Variants in SORCS1 observed in about 807,000 individuals in gnomAD.
The protein encoded by SORCS1 is sortilin related VPS10 domain containing receptor 1.
In SORCS1, 60 loss-of-function variants were observed where a neutral mutation model predicts 146.1. The ratio of observed to expected loss-of-function variants is 0.41; its 90% confidence interval spans 0.33 to 0.51. The LOEUF (loss-of-function observed/expected upper bound fraction) is 0.51. Among genes scored for constraint, SORCS1 ranks in the 20% least tolerant of loss-of-function variants. SORCS1 has a pLI of 0.21. For synonymous variants in SORCS1, 637 were observed against 584.0 expected (o/e 1.09, Z -1.31); for missense variants, 1,352 against 1,487.6 (o/e 0.91, Z 1.50).
In SORCS1 at chr10:107,094,575, G is replaced by T. The variant is rs182217184; in HGVS notation, c.558+69394C>A. ...TTTCAAAAAATGGTTTTTAATCAAGGCTACAGATCATACAACAGATTTAGA... is the reference window on the plus strand; with the variant it reads ...TTTCAAAAAATGGTTTTTAATCAAGTCTACAGATCATACAACAGATTTAGA... On this transcript the variant is annotated intron_variant, in intron 1 of 25. Transcript: ENST00000263054. Among the ~76,000 whole-genome samples, 141 of 152,244 alleles carry T rather than the reference G, an allele frequency of 9.3e-4. 1 individual carries two copies. Among genetic ancestry groups the T allele is most frequent in the African/African-American group, 3.2e-3 (135 of 41,542 alleles).
intron 1 of SORCS1, among the ~76,000 whole-genome samples, chr10:107,148,020 C>G (rs1032154955): frequency 2.0e-5 from 3 of 152,164 alleles, no homozygotes. Flanking sequence ...ACAGACATGG[C>G]AGATTGAGTT....
intron 23 of SORCS1, among the ~76,000 whole-genome samples, chr10:106,604,736 C>T (rs1846456992): frequency 6.6e-6 from 1 of 152,128 alleles, no homozygotes; most frequent in African/African-American, 2.4e-5. Context: ...TCCTCTCTTC[C>T]AATACATGCC....
intron 24 of SORCS1, among the ~76,000 whole-genome samples, chr10:106,585,664 T>C (rs1337201615): frequency 6.6e-6 from 1 of 152,214 alleles, no homozygotes; most frequent in African/African-American, 2.4e-5. Context: ...AGGTAAAATC[T>C]GTTTCTTCAT....
At chr10:106,678,147 T>C (rs1339543072) in intron 12 of SORCS1, among the ~76,000 whole-genome samples, 1 of 152,196 alleles carries the variant, frequency 6.6e-6, no homozygotes, top group Non-Finnish European at 1.5e-5. Context: ...TGGAGTTACA[T>C]TACAGACAAT....
intron 3 of SORCS1, among the ~76,000 whole-genome samples, chr10:106,823,126 G>C (rs142656385): frequency 1.4e-3 from 212 of 152,224 alleles, no homozygotes; most frequent in African/African-American, 4.7e-3. Flanking sequence ...AAAAAGATTA[G>C]AGGCAAATGG....
At chr10:106,807,851 G>A (rs998993148) in intron 3 of SORCS1, among the ~76,000 whole-genome samples, 1 of 152,184 alleles carries the variant, frequency 6.6e-6, no homozygotes, top group East Asian at 1.9e-4. Context: ...TGTCTGCAAT[G>A]ATTGCTGTAT....
chr10:106,949,187 G>C (rs77420663), intron 2 of SORCS1, among the ~76,000 whole-genome samples: 2,694 of 152,208 alleles, frequency 0.018, 37 homozygotes, highest in Middle Eastern at 0.034. Flanking sequence ...AAATCTGTGT[G>C]ACATGAAGGA....
intron 2 of SORCS1, among the ~76,000 whole-genome samples, chr10:106,920,329 T>A (rs1952652465): frequency 6.6e-6 from 1 of 152,228 alleles, no homozygotes; most frequent in African/African-American, 2.4e-5. Flanking sequence ...CAATCTCCCT[T>A]GCTCCTGGAT....
intron 1 of SORCS1, among the ~76,000 whole-genome samples, chr10:107,153,745 C>T (rs142205652): frequency 6.6e-6 from 1 of 152,164 alleles, no homozygotes; most frequent in African/African-American, 2.4e-5. Flanking sequence ...TTCACAAACT[C>T]GTTTGCTCTC....
intron 25 of SORCS1, 103 bp from the exon 26 acceptor site, chr10:106,577,658 T>C (rs1288310689): frequency 6.5e-7 from 1 of 1,536,446 alleles, no homozygotes; most frequent in African/African-American, 1.4e-5. Context: ...GAAGGAGGAA[T>C]TACTACTTTA....
chr10:106,894,720 G>A (rs1017103552), intron 2 of SORCS1, among the ~76,000 whole-genome samples: 2 of 152,196 alleles, frequency 1.3e-5, no homozygotes, highest in Non-Finnish European at 2.9e-5. Context: ...TGTAGTACCA[G>A]AAAAACAGGC....
chr10:106,679,400 G>A, intron 11 of SORCS1, 68 bp from the exon 12 acceptor site: 2 of 1,301,796 alleles, frequency 1.5e-6, no homozygotes, highest in Middle Eastern at 2.0e-4. Context: ...TATATTGGCA[G>A]GTGCACTGCC....
chr10:107,098,579 C>G (rs17122089), intron 1 of SORCS1, among the ~76,000 whole-genome samples: 24,311 of 152,184 alleles, frequency 0.16, 2,113 homozygotes, highest in South Asian at 0.21. Flanking sequence ...TGTCTGGGCT[C>G]AGCCAACACC....
intron 2 of SORCS1, among the ~76,000 whole-genome samples, chr10:106,874,191 GT>G: frequency 6.6e-6 from 1 of 152,238 alleles, no homozygotes; most frequent in South Asian, 2.1e-4. Context: ...GCCTGAAATG[GT>G]TTTTTAAATC....
intron 1 of SORCS1, among the ~76,000 whole-genome samples, chr10:107,115,266 A>G (rs1383527277): frequency 2.0e-5 from 3 of 152,034 alleles, no homozygotes; most frequent in Non-Finnish European, 1.5e-5. Context: ...CCTAAAGTTC[A>G]TATGGAACTA....
intron 2 of SORCS1, among the ~76,000 whole-genome samples, chr10:106,895,712 G>A (rs959718948): frequency 1.2e-4 from 19 of 152,170 alleles, no homozygotes; most frequent in African/African-American, 4.6e-4. Flanking sequence ...AACCACTATG[G>A]AAAATGGTAT....
intron 5 of SORCS1, among the ~76,000 whole-genome samples, chr10:106,747,497 C>T (rs1857828418): frequency 6.6e-6 from 1 of 152,196 alleles, no homozygotes; most frequent in South Asian, 2.1e-4. Flanking sequence ...TACATAGATT[C>T]ACTAGTCTTA....
At chr10:107,122,118 T>C (rs1966446789) in intron 1 of SORCS1, among the ~76,000 whole-genome samples, 1 of 152,182 alleles carries the variant, frequency 6.6e-6, no homozygotes, top group Admixed American at 6.5e-5. Context: ...TGGCTTTGTC[T>C]ATTCCAGAGG....
At chr10:106,801,509 A>G (rs554024887) in intron 3 of SORCS1, among the ~76,000 whole-genome samples, 174 of 151,526 alleles carry the variant, frequency 1.1e-3, no homozygotes, top group Non-Finnish European at 1.8e-3. Flanking sequence ...TTGGGCAGGA[A>G]CTATTAGTAT....
Sources: allele counts gnomAD v4.1 joint callset (sites outside exome capture counted in the v4.1 genomes callset), GRCh38; gene constraint gnomAD v4.1.1; transcripts MANE v1.5; gene names NCBI Gene and HGNC (gene_info 2026-07-23, HGNC 2026-07-21).